Variants in PCID2 observed in about 807,000 individuals in gnomAD.
The protein encoded by PCID2 is PCI domain containing 2, also known as PCI domain-containing protein 2.
PCID2 carries 41 observed loss-of-function variants against 61.3 expected under a neutral mutation model. The ratio of observed to expected loss-of-function variants is 0.67; its 90% CI spans 0.52 to 0.87. The LOEUF (loss-of-function observed/expected upper bound fraction) is 0.87, where lower values mean the gene tolerates loss of function less well. Among genes scored for constraint, PCID2 ranks in the 40% least tolerant of loss-of-function variants. The pLI is 0.00. For synonymous variants in PCID2, 187 were observed against 177.8 expected (o/e 1.05, Z -0.41); for missense variants, 392 against 493.4 (o/e 0.79, Z 1.95).
downstream of PCID2, among the ~76,000 whole-genome samples, chr13:113,172,633 C>G (rs1335732142): frequency 3.3e-5 from 5 of 152,192 alleles, no homozygotes; most frequent in Admixed American, 2.6e-4. Context: ...GTGGGTATCC[C>G]AGAGAGGCAG....
intron 1 of PCID2, among the ~76,000 whole-genome samples, chr13:113,205,586 C>A (rs1460549575): frequency 6.6e-6 from 1 of 152,194 alleles, no homozygotes; most frequent in African/African-American, 2.4e-5. Context: ...AAAGAGGAAA[C>A]AACTGAAGTG....
intron 8 of PCID2, among the ~76,000 whole-genome samples, chr13:113,185,094 C>G (rs1160597220): frequency 6.6e-6 from 1 of 152,258 alleles, no homozygotes; most frequent in Non-Finnish European, 1.5e-5. Flanking sequence ...GCAATGGTTT[C>G]TTTATCCATC....
At chr13:113,180,741 A>G (rs1177909250) in intron 10 of PCID2, among the ~76,000 whole-genome samples, 1 of 152,248 alleles carries the variant, frequency 6.6e-6, no homozygotes, top group East Asian at 1.9e-4. Context: ...TCAAAAATAC[A>G]TTTTAGTAAC....
At chr13:113,165,253 C>A in the PCID2 span, 1 of 854,264 alleles carries the variant, frequency 1.2e-6, no homozygotes, top group Non-Finnish European at 1.9e-6. Flanking sequence ...CTGCACTGAC[C>A]AACCTCTATT....
chr13:113,174,214 G>A (rs373581530), downstream of PCID2, among the ~76,000 whole-genome samples: 3 of 151,376 alleles, frequency 2.0e-5, no homozygotes, highest in South Asian at 6.3e-4. Flanking sequence ...CTCCAGCCTG[G>A]GCAACAGAGC....
At position 113,178,971 on chromosome 13, in the gene PCID2, A is replaced by AT. The variant is rs745985538; in HGVS notation, c.1104dup (p.Tyr369IlefsTer64). 2 of 1,612,892 alleles carry AT rather than the reference A, an allele frequency of 1.2e-6. No individual in the cohort carries two copies. The highest frequency in any genetic ancestry group is 2.2e-5 in the South Asian group (2 of 90,764). On this transcript the variant is annotated frameshift_variant, in exon 13 of 14. Coordinates refer to ENST00000337344, the MANE Select transcript of PCID2 (RefSeq NM_001127202.4). LOFTEE classifies it high-confidence loss of function. Reference sequence around the variant, plus strand: ...TAAAACCAGGACTCACACACCATGTATATCAAGTTAGCCAGAATACACTGA... The same window carrying AT: ...TAAAACCAGGACTCACACACCATGTATTATCAAGTTAGCCAGAATACACTGA...
chr13:113,200,858 C>T (rs113088166), intron 1 of PCID2, among the ~76,000 whole-genome samples: 1,843 of 152,000 alleles, frequency 0.012, 32 homozygotes, highest in African/African-American at 0.041. Context: ...TGAGGAAGGA[C>T]TGCTTGAGCC....
chr13:113,180,344 G>T, intron 10 of PCID2, 113 bp from the exon 11 acceptor site: 2 of 771,616 alleles, frequency 2.6e-6, no homozygotes, highest in Non-Finnish European at 4.5e-6. Flanking sequence ...GAGTTTCTTA[G>T]AATGTCCATG....
the PCID2 span, chr13:113,165,095 C>G: frequency 6.2e-7 from 1 of 1,612,464 alleles, no homozygotes; most frequent in African/African-American, 1.3e-5. Flanking sequence ...AAGCGTGCAC[C>G]GGATCTACAG....
At position 113,201,356 on chromosome 13, in the gene PCID2, T is replaced by C. The variant is rs1222212585; in HGVS notation, c.37-840A>G. On this transcript the variant is annotated intron_variant, in intron 1 of 13. Transcript: ENST00000337344. The stretch of plus-strand genomic sequence containing the variant: ...AAGAAGAGAAAAATTACGTACAACA[T>C]GCAGGCACAGGAAAGAATGCAGGGC... Among the ~76,000 whole-genome samples, 6 of 152,220 alleles carry C rather than the reference T, an allele frequency of 3.9e-5. No homozygotes were observed. The South Asian group carries it at 8.3e-4, about 21-fold the overall frequency.
intron 7 of PCID2, among the ~76,000 whole-genome samples, chr13:113,190,137 G>A (rs2038483696): frequency 6.6e-6 from 1 of 151,478 alleles, no homozygotes; most frequent in Non-Finnish European, 1.5e-5. Flanking sequence ...GAAAAAATGG[G>A]GCCAAAAGTA....
In PCID2 at chr13:113,179,888, G is replaced by C; in HGVS notation, c.986+29C>G. On this transcript the variant is annotated intron_variant, in intron 12 of 13. Transcript: ENST00000337344. The surrounding 1 kb of genome is among the most constrained non-coding windows in gnomAD (Gnocchi z 4.3). Reference sequence around the variant, plus strand: ...GACTGCTCTGCCGAGAGCCACACTGGGAGCCCAATGTGCCGGGGAAATGCT... The same window carrying C: ...GACTGCTCTGCCGAGAGCCACACTGCGAGCCCAATGTGCCGGGGAAATGCT... 1 of 1,601,494 alleles carries C rather than the reference G, an allele frequency of 6.2e-7. No homozygotes were observed. Among genetic ancestry groups the C allele is most frequent in the Non-Finnish European group, 8.5e-7 (1 of 1,172,958 alleles).
intron 2 of PCID2, among the ~76,000 whole-genome samples, chr13:113,199,120 G>C (rs2039234274): frequency 1.3e-5 from 2 of 152,202 alleles, no homozygotes; most frequent in Non-Finnish European, 2.9e-5. Flanking sequence ...GGAGTCCCCA[G>C]ACAATGTTAT....
chr13:113,207,967 G>C (rs973994915), intron 1 of PCID2: 1 of 1,448,714 alleles, frequency 6.9e-7, no homozygotes, highest in South Asian at 1.1e-5. Context: ...TTAGTGGAAA[G>C]AATATGCGTT....
intron 4 of PCID2, 48 bp from the exon 5 acceptor site, chr13:113,196,270 G>T: frequency 1.5e-6 from 2 of 1,368,718 alleles, no homozygotes; most frequent in Non-Finnish European, 2.1e-6. Flanking sequence ...ATAATGCTAC[G>T]TACGATAAAA....
intron 7 of PCID2, among the ~76,000 whole-genome samples, chr13:113,189,617 G>A (rs966948823): frequency 6.6e-6 from 1 of 151,420 alleles, no homozygotes; most frequent in Non-Finnish European, 1.5e-5. Context: ...AAATTCTAAA[G>A]CAGAATCAGA....
At chr13:113,180,940 G>T (rs779600305) in intron 10 of PCID2, among the ~76,000 whole-genome samples, 190 bp downstream of exon 10, 9 of 152,190 alleles carry the variant, frequency 5.9e-5, no homozygotes, top group Non-Finnish European at 1.0e-4. Flanking sequence ...GAAGGACCTG[G>T]AGGCGTAAGG....
At position 113,181,370 on chromosome 13, in the gene PCID2, T is replaced by C. The variant is rs895898643; in HGVS notation, c.686-140A>G. On this transcript the variant is annotated intron_variant, in intron 9 of 13. Transcript: ENST00000337344. ...ATTATCTCAAAAAATATCATCCCAG[T>C]TTCATTTCTGTGATCAATGACTTTC... is the stretch of plus-strand genomic sequence containing the variant. 28 of 584,246 alleles carry C rather than the reference T, an allele frequency of 4.8e-5. No individual in the cohort carries two copies. The Middle Eastern group carries it at 1.2e-3, about 25-fold the overall frequency. 36.2% of individuals were successfully genotyped at this position (584,246 alleles called of 1,614,324 possible). A position where few individuals can be genotyped will look rare whatever the true frequency, so the allele number is the denominator to read the frequency against.
downstream of PCID2, among the ~76,000 whole-genome samples, chr13:113,176,972 C>T (rs1331937583): frequency 6.6e-6 from 1 of 152,148 alleles, no homozygotes; most frequent in Non-Finnish European, 1.5e-5. Flanking sequence ...TGATGGCAGC[C>T]CCAACAGCCC....
Sources: gnomAD v4.1 joint callset for allele counts (sites outside exome capture counted in the v4.1 genomes callset) on GRCh38, gnomAD v4.1.1 for gene constraint, Gnocchi (gnomAD v3.1) non-coding constraint, MANE v1.5 for transcripts, NCBI Gene and HGNC (gene_info 2026-07-23, HGNC 2026-07-21) for gene names.